REV3L: variants seen among roughly 807,000 people sequenced by gnomAD.
The protein encoded by REV3L is DNA polymerase zeta catalytic subunit.
A neutral mutation model predicts 299.4 loss-of-function variants in REV3L; 69 were observed. The ratio of observed to expected loss-of-function variants is 0.23; its 90% CI spans 0.19 to 0.28. The LOEUF is 0.28. Ranked by LOEUF, REV3L falls within the 10% of genes least tolerant of loss-of-function variation. The pLI is 1.00. For missense variants in REV3L, 3,128 were observed against 3,693.8 expected (o/e 0.85, Z 3.97); for synonymous variants, 1,238 against 1,271.4 (o/e 0.97, Z 0.56).
intron 7 of REV3L, 87 bp from the exon 8 acceptor site, chr6:111,388,172 G>T: frequency 1.2e-6 from 1 of 842,166 alleles, no homozygotes; most frequent in Non-Finnish European, 1.9e-6. Context: ...TAAAAATGGT[G>T]GCAATTTCCT....
rs1380748121 is a variant in REV3L, at chr6:111,307,678, C to G, written c.9043-108G>C. On this transcript the variant is annotated intron_variant, in intron 30 of 31. Transcript: ENST00000368802. ...AGGCATTCATTCATTCGTTCATTCACTCATTCAACAAATGTTGAGTAGCTA... is the reference window on the plus strand; with the variant it reads ...AGGCATTCATTCATTCGTTCATTCAGTCATTCAACAAATGTTGAGTAGCTA... 20 of 994,964 alleles carry G rather than the reference C, an allele frequency of 2.0e-5. No homozygotes were observed. In the Admixed American group the frequency reaches 3.7e-4, roughly 19 times the overall value. 61.6% of individuals were successfully genotyped at this position (994,964 alleles called of 1,614,324 possible).
intron 18 of REV3L, 39 bp downstream of exon 18, chr6:111,356,975 C>CTGAATAAAACTGGAAAAATCAGA: frequency 8.8e-7 from 1 of 1,134,678 alleles, no homozygotes; most frequent in Non-Finnish European, 1.3e-6. Flanking sequence ...AAACGACTCT[C>CTGAATAAAACTGGAAAAATCAGA]TGAATAAAAC....
chr6:111,303,314 G>C (rs1771823135), intron 31 of REV3L, among the ~76,000 whole-genome samples: 2 of 148,752 alleles, frequency 1.3e-5, no homozygotes, highest in Non-Finnish European at 3.0e-5. Flanking sequence ...TGGGATTGCG[G>C]GTGCCCGCCA....
At chr6:111,336,577 C>T (rs113863318) in intron 21 of REV3L, among the ~76,000 whole-genome samples, 12 of 152,090 alleles carry the variant, frequency 7.9e-5, no homozygotes, top group African/African-American at 2.4e-4. Context: ...CTGGTGGGAA[C>T]GTAAAATAGA....
intron 12 of REV3L, 71 bp downstream of exon 12, chr6:111,377,630 C>T (rs1453401681): frequency 1.4e-6 from 2 of 1,476,206 alleles, no homozygotes; most frequent in South Asian, 1.3e-5. Context: ...AGCCAGAGCG[C>T]CTAGCCTCAA....
chr6:111,313,970 G>A (rs1222692949), intron 27 of REV3L, among the ~76,000 whole-genome samples: 2 of 152,288 alleles, frequency 1.3e-5, no homozygotes, highest in South Asian at 2.1e-4. Context: ...CCAGGAGGAC[G>A]CAATTCCTCC....
chr6:111,405,893 T>C (rs913729801), intron 3 of REV3L, among the ~76,000 whole-genome samples: 24 of 152,200 alleles, frequency 1.6e-4, no homozygotes, highest in African/African-American at 5.5e-4. Context: ...ATTTAAAAAT[T>C]AAAAGGTTTT....
At chr6:111,302,548 C>CTTAAAAA (rs928720562) in intron 31 of REV3L, among the ~76,000 whole-genome samples, 12 of 152,170 alleles carry the variant, frequency 7.9e-5, no homozygotes, top group African/African-American at 2.9e-4. Flanking sequence ...GAGGCAGGCA[C>CTTAAAAA]TTAAAAAATA....
intron 1 of REV3L, among the ~76,000 whole-genome samples, chr6:111,437,404 C>T (rs961273291): frequency 1.1e-4 from 17 of 151,172 alleles, no homozygotes; most frequent in African/African-American, 2.9e-4. Context: ...TATTATTCAG[C>T]CATAAAAAGG....
chr6:111,394,826 C>T (rs1383422408), intron 4 of REV3L, among the ~76,000 whole-genome samples: 4 of 151,922 alleles, frequency 2.6e-5, no homozygotes, highest in South Asian at 2.1e-4. Context: ...TCTCAGCCTC[C>T]CAAGCTGCTG....
intron 4 of REV3L, among the ~76,000 whole-genome samples, chr6:111,393,689 A>G (rs1490911987): frequency 6.6e-6 from 1 of 151,440 alleles, no homozygotes; most frequent in African/African-American, 2.4e-5. Flanking sequence ...TCTAGTAACT[A>G]CCTTTCTTCT....
At chr6:111,306,389 A>G (rs1480198093) in intron 31 of REV3L, among the ~76,000 whole-genome samples, 1 of 152,156 alleles carries the variant, frequency 6.6e-6, no homozygotes, top group Non-Finnish European at 1.5e-5. Context: ...GAGAAGAGCA[A>G]GAAATCGTGA....
At chr6:111,480,121 G>C (rs1309619975) in intron 1 of REV3L, among the ~76,000 whole-genome samples, 1 of 152,282 alleles carries the variant, frequency 6.6e-6, no homozygotes, top group Non-Finnish European at 1.5e-5. Context: ...GTAAAGCAAA[G>C]TCAATTTTAA....
At chr6:111,329,460 T>C (rs905564080) in intron 25 of REV3L, 72 bp downstream of exon 25, 51 of 1,407,220 alleles carry the variant, frequency 3.6e-5, no homozygotes, top group Non-Finnish European at 5.0e-5. Flanking sequence ...TAACTGGGAA[T>C]ACAGGTGAGT....
intron 1 of REV3L, among the ~76,000 whole-genome samples, chr6:111,468,920 G>A (rs562487109): frequency 6.6e-6 from 1 of 152,174 alleles, no homozygotes; most frequent in Non-Finnish European, 1.5e-5. Flanking sequence ...AGCACTTTGG[G>A]AGGGCTGAGG....
intron 13 of REV3L, among the ~76,000 whole-genome samples, chr6:111,371,944 G>A (rs565119458): frequency 2.6e-5 from 4 of 151,942 alleles, no homozygotes; most frequent in Non-Finnish European, 5.9e-5. Context: ...CTCCCACCTC[G>A]GCCTCCCAAA....
At chr6:111,434,918 C>T (rs888400410) in intron 1 of REV3L, among the ~76,000 whole-genome samples, 1 of 151,952 alleles carries the variant, frequency 6.6e-6, no homozygotes, top group African/African-American at 2.4e-5. Flanking sequence ...GTTAAAGTAA[C>T]AATTCTGGCT....
chr6:111,359,170 G>A (rs1046194386), intron 16 of REV3L, among the ~76,000 whole-genome samples, 156 bp from the exon 17 acceptor site: 3 of 152,052 alleles, frequency 2.0e-5, no homozygotes, highest in East Asian at 1.9e-4. Flanking sequence ...ATATTAAAAC[G>A]AAAGATTTTT....
intron 22 of REV3L, among the ~76,000 whole-genome samples, chr6:111,334,580 C>T (rs1401197379): frequency 6.6e-6 from 1 of 151,948 alleles, no homozygotes; most frequent in Non-Finnish European, 1.5e-5. Context: ...CTAATAATAA[C>T]TATTAGAAGG....
Sources: allele counts gnomAD v4.1 joint callset (sites outside exome capture counted in the v4.1 genomes callset), GRCh38; gene constraint gnomAD v4.1.1; transcripts MANE v1.5; gene names NCBI Gene and HGNC (gene_info 2026-07-23, HGNC 2026-07-21).